The following ARHGAP11A variants were observed in gnomAD, a reference collection of about 807,000 sequenced individuals.
ARHGAP11A encodes Rho GTPase activating protein 11A, also known as rho GTPase-activating protein 11A.
A neutral mutation model predicts 60.5 loss-of-function variants in ARHGAP11A; 36 were observed. That is an observed-to-expected ratio of 0.59 (90% CI 0.46 to 0.79). The LOEUF is 0.79. Ranked by LOEUF, ARHGAP11A falls within the 30% of genes least tolerant of loss-of-function variation. The probability of loss-of-function intolerance (pLI) is 0.00; values close to 1 mark genes in which losing one functional copy is unlikely to be tolerated. For missense variants in ARHGAP11A, 1,071 were observed against 1,199.2 expected (o/e 0.89, Z 1.58); for synonymous variants, 362 against 415.5 (o/e 0.87, Z 1.57).
intron 2 of ARHGAP11A, among the ~76,000 whole-genome samples, chr15:32,621,821 CAAAAAAAAAAA>C (rs376053100): frequency 9.3e-4 from 113 of 120,918 alleles, no homozygotes; most frequent in African/African-American, 3.1e-3. Flanking sequence ...GACTCCGTCT[CAAAAAAAAAAA>C]AAAAAAAGAA....
chr15:32,639,865 T>C lies in ARHGAP11A; in HGVS notation c.*2020T>C, dbSNP rs1231850859. ...TCATGGAATATTTGAGGAAATGATA[T>C]GAAAGTGTCTGGACGTGCAGTAACC... On this transcript the variant is annotated 3_prime_UTR_variant, in exon 12 of 12. Transcript: ENST00000361627. 6.6e-6 allele frequency: 1 copy of C among 152,160 alleles called. No individual in the cohort carries two copies. The highest frequency in any genetic ancestry group is 1.5e-5 in the Non-Finnish European group (1 of 68,024). 9.4% of individuals were successfully genotyped at this position (152,160 alleles called of 1,614,324 possible).
chr15:32,619,717 C>G (rs1595758953), intron 1 of ARHGAP11A, among the ~76,000 whole-genome samples: 1 of 151,618 alleles, frequency 6.6e-6, no homozygotes, highest in East Asian at 1.9e-4. Context: ...AAGAAAGTAT[C>G]TAGTAAGTAT....
intron 8 of ARHGAP11A, among the ~76,000 whole-genome samples, chr15:32,630,827 A>G (rs1280692083): frequency 1.3e-5 from 2 of 152,004 alleles, no homozygotes; most frequent in African/African-American, 2.4e-5. Context: ...CAGTGTTCAC[A>G]GGTTGGAGAC....
chr15:32,619,061 G>T (rs1422825128), intron 1 of ARHGAP11A, among the ~76,000 whole-genome samples: 2 of 152,186 alleles, frequency 1.3e-5, no homozygotes, highest in South Asian at 2.1e-4. Flanking sequence ...GGAGCCAGGT[G>T]CTTGAAAGGG....
In ARHGAP11A at chr15:32,638,512, A is replaced by G. The variant is rs1046864890; in HGVS notation, c.*667A>G. The G allele has an allele frequency of 5.3e-5, 8 of 152,230 alleles. No individual in the cohort carries two copies. The highest frequency in any genetic ancestry group is 1.2e-4 in the Non-Finnish European group (8 of 68,038). 9.4% of individuals were successfully genotyped at this position (152,230 alleles called of 1,614,324 possible). A position where few individuals can be genotyped will look rare whatever the true frequency, so the allele number is the denominator to read the frequency against. ...CAGATAAGGTTTCTAAAATAAATAAATTTCTAGCATATAAAGGGTAGAGAT... is the reference window on the plus strand; with the variant it reads ...CAGATAAGGTTTCTAAAATAAATAAGTTTCTAGCATATAAAGGGTAGAGAT... On this transcript the variant is annotated 3_prime_UTR_variant, in exon 12 of 12. Transcript: ENST00000361627.
chr15:32,618,845 G>A (rs990319937), intron 1 of ARHGAP11A, among the ~76,000 whole-genome samples: 11 of 148,148 alleles, frequency 7.4e-5, no homozygotes. Context: ...CCAGCTACTC[G>A]GGAAGCTGAG....
rs1369581064 is a variant in ARHGAP11A at position 32,637,454 on chromosome 15, C to T, written c.2681C>T (p.Ser894Leu). The change falls in exon 12 of 12, where the codon TCA becomes TTA. Residue 894 changes from serine to leucine, a missense_variant. This residue lies in a region of ARHGAP11A where 776 missense variants were observed against 760.2 expected (regional missense o/e 1.02). Coordinates refer to ENST00000361627, the MANE Select transcript of ARHGAP11A (RefSeq NM_014783.6). The stretch of plus-strand genomic sequence containing the variant: ...AGTGCATCAAAAGATTCCTCTGTTT[C>T]ATGTATCAAATCAGGTCCTAAAGAA... ...IESASKDSSV[S>L]CIKSGPKEQK... 7 of 1,614,000 alleles carry T rather than the reference C, an allele frequency of 4.3e-6. No homozygotes were observed. Among genetic ancestry groups the T allele is most frequent in the Non-Finnish European group, 5.9e-6 (7 of 1,180,010 alleles).
In ARHGAP11A at chr15:32,637,193, T is replaced by C; in HGVS notation, c.2420T>C (p.Val807Ala). 2 of 1,614,174 alleles carry C rather than the reference T, an allele frequency of 1.2e-6. No individual in the cohort carries two copies. The highest frequency in any genetic ancestry group is 1.7e-6 in the Non-Finnish European group (2 of 1,180,028). Reference sequence around the variant, plus strand: ...TCACAAATGACAGAACATAGAAAGGTTTCTGATCACATACAGTGGTTTAAC... The same window carrying C: ...TCACAAATGACAGAACATAGAAAGGCTTCTGATCACATACAGTGGTTTAAC... ...ESSQMTEHRKVSDHIQWFNKL... is the reference protein window; with the variant it reads ...ESSQMTEHRKASDHIQWFNKL... Residue 807 changes from valine to alanine, a missense_variant, in exon 12 of 12, where the codon GTT (valine) becomes GCT (alanine). By Grantham distance (64) the Val-to-Ala change is moderately conservative. Transcript: ENST00000361627.
At chr15:32,622,957 G>C (rs2053373363) in intron 2 of ARHGAP11A, among the ~76,000 whole-genome samples, 1 of 151,748 alleles carries the variant, frequency 6.6e-6, no homozygotes, top group East Asian at 1.9e-4. Context: ...ATTTGAGAAG[G>C]AGCAGGCAGG....
Position 32,637,023 on chromosome 15 carries a change from G to A in ARHGAP11A, c.2250G>A (p.Lys750=). The change falls in exon 12 of 12, where the codon AAG becomes AAA. Residue 750 remains lysine (K), a synonymous_variant. Transcript: ENST00000361627. ...NENMMEGNLP[K]CAAHSKDEAR... is the part of the protein sequence containing the mutation. ...ATATGATGGAAGGTAACTTACCGAA[G>A]TGTGCAGCACATAGCAAGGACGAGG... The A allele has an allele frequency of 6.2e-7, 1 of 1,612,830 alleles. No homozygotes were observed. Among genetic ancestry groups the A allele is most frequent in the East Asian group, 2.2e-5 (1 of 44,886 alleles).
chr15:32,626,646 T>C (rs2053464737), intron 6 of ARHGAP11A, among the ~76,000 whole-genome samples: 1 of 152,258 alleles, frequency 6.6e-6, no homozygotes, highest in African/African-American at 2.4e-5. Flanking sequence ...GTGGCTTAAA[T>C]CAACAGAAAT....
chr15:32,631,799 C>T (rs1280572980), intron 8 of ARHGAP11A, among the ~76,000 whole-genome samples: 1 of 151,970 alleles, frequency 6.6e-6, no homozygotes, highest in African/African-American at 2.4e-5. Context: ...CCTCAGCCTC[C>T]TGAGTAGTTG....
chr15:32,633,133 T>G lies in ARHGAP11A; in HGVS notation c.1235+25T>G, dbSNP rs1595773705. The stretch of plus-strand genomic sequence containing the variant: ...GGTACTTTATCCAGGACATTTTGTT[T>G]TCATCGGATAAATATTTGGTGTACA... On this transcript the variant is annotated intron_variant, in intron 9 of 11. Coordinates refer to ENST00000361627, the MANE Select transcript of ARHGAP11A (RefSeq NM_014783.6). 4 of 1,612,720 alleles carry G rather than the reference T, an allele frequency of 2.5e-6. No individual in the cohort carries two copies. The East Asian group carries it at 6.7e-5, about 27-fold the overall frequency.
intron 4 of ARHGAP11A, among the ~76,000 whole-genome samples, 191 bp downstream of exon 4, chr15:32,624,617 GTCA>G (rs970637606): frequency 2.6e-5 from 4 of 152,170 alleles, no homozygotes; most frequent in Non-Finnish European, 5.9e-5. Flanking sequence ...TTATCTTAAA[GTCA>G]TCATCATGAA....
chr15:32,616,287 G>A lies in ARHGAP11A; in HGVS notation c.76G>A (p.Val26Ile). The A allele has an allele frequency of 6.2e-7, 1 of 1,614,062 alleles. No individual in the cohort carries two copies. ...RAFYGIKVKG[V>I]RGQCDRRRHE... is the part of the protein sequence containing the mutation. ...CTTCTATGGTATTAAGGTGAAGGGTGTCCGTGGGCAGTGCGATCGCAGGAG... is the reference window on the plus strand; with the variant it reads ...CTTCTATGGTATTAAGGTGAAGGGTATCCGTGGGCAGTGCGATCGCAGGAG... The change falls in exon 1 of 12, where the codon GTC (valine) becomes ATC (isoleucine). Residue 26 changes from valine (V) to isoleucine (I), a missense_variant. Physicochemically the swap from Val to Ile is conservative, Grantham distance 29. Transcript: ENST00000361627.
intron 4 of ARHGAP11A, 68 bp downstream of exon 4, chr15:32,624,494 A>G (rs1383296419): frequency 2.0e-6 from 3 of 1,491,328 alleles, no homozygotes; most frequent in Non-Finnish European, 1.8e-6. Context: ...ATGCTTGTAG[A>G]TATGTACAAT....
intron 1 of ARHGAP11A, 42 bp from the exon 2 acceptor site, chr15:32,620,066 T>C (rs753566755): frequency 2.0e-6 from 3 of 1,534,492 alleles, no homozygotes; most frequent in African/African-American, 1.4e-5. Flanking sequence ...ACTGATATTA[T>C]GCCTAATATT....
chr15:32,626,819 A>G (rs967751656), intron 6 of ARHGAP11A, among the ~76,000 whole-genome samples: 1 of 152,224 alleles, frequency 6.6e-6, no homozygotes, highest in Admixed American at 6.5e-5. Flanking sequence ...ATCCCTGCCT[A>G]TGTCATCCTA....
intron 8 of ARHGAP11A, 85 bp from the exon 9 acceptor site, chr15:32,632,894 T>G: frequency 8.1e-7 from 1 of 1,236,784 alleles, no homozygotes. Context: ...AATTAAGGCT[T>G]TGAATCTAAT....
Sources: allele counts gnomAD v4.1 joint callset (sites outside exome capture counted in the v4.1 genomes callset), GRCh38; gene constraint gnomAD v4.1.1; regional missense constraint gnomAD v4.1.1; transcripts MANE v1.5; gene names NCBI Gene and HGNC (gene_info 2026-07-23, HGNC 2026-07-21).